Variants in MYT1L observed in about 807,000 individuals in gnomAD.
MYT1L encodes the protein myelin transcription factor 1-like protein.
A neutral mutation model predicts 126.7 loss-of-function variants in MYT1L; 12 were observed. The ratio of observed to expected loss-of-function variants is 0.09; its 90% confidence interval spans 0.06 to 0.15. The LOEUF (loss-of-function observed/expected upper bound fraction) is 0.15, where lower values mean the gene tolerates loss of function less well. Among genes scored for constraint, MYT1L ranks in the 10% least tolerant of loss-of-function variants. The pLI is 1.00. For synonymous variants in MYT1L, 541 were observed against 604.2 expected (o/e 0.90, Z 1.53); for missense variants, 979 against 1,585.2 (o/e 0.62, Z 6.49).
intron 18 of MYT1L, among the ~76,000 whole-genome samples, chr2:1,858,252 A>G (rs1002462802): frequency 1.3e-5 from 2 of 152,232 alleles, no homozygotes; most frequent in African/African-American, 2.4e-5. Context: ...AGACATTTCA[A>G]ATAGGAGAAA....
chr2:2,244,929 T>A (rs1395588061), intron 2 of MYT1L, among the ~76,000 whole-genome samples: 1 of 152,204 alleles, frequency 6.6e-6, no homozygotes, highest in Non-Finnish European at 1.5e-5. Flanking sequence ...AATAAAGATA[T>A]GGAGAAAAGC....
At chr2:1,804,983 G>T (rs1368924105) in intron 22 of MYT1L, among the ~76,000 whole-genome samples, 2 of 152,132 alleles carry the variant, frequency 1.3e-5, no homozygotes, top group Admixed American at 1.3e-4. Flanking sequence ...AGCCACTGAT[G>T]GTACAACTTC....
At chr2:2,295,687 G>GAGAGAGAGATAGAGAGACAGAC in intron 1 of MYT1L, among the ~76,000 whole-genome samples, 1 of 27,802 alleles carries the variant, frequency 3.6e-5, no homozygotes, top group Admixed American at 3.5e-4. Context: ...GAGACAGACA[G>GAGAGAGAGATAGAGAGACAGAC]AGAGAGAGAG....
chr2:1,842,787 A>G (rs939128016), intron 19 of MYT1L: 1 of 155,966 alleles, frequency 6.4e-6, no homozygotes, highest in East Asian at 1.9e-4. Flanking sequence ...CCAGTCCAGC[A>G]GACCGGGTGC....
intron 2 of MYT1L, among the ~76,000 whole-genome samples, chr2:2,229,613 T>G (rs1325599084): frequency 7.9e-6 from 1 of 126,120 alleles, no homozygotes; most frequent in Non-Finnish European, 1.5e-5. Flanking sequence ...TTCAGTTTTT[T>G]GCACAGATGG....
intron 14 of MYT1L, 42 bp from the exon 15 acceptor site, chr2:1,892,329 G>C: frequency 6.5e-7 from 1 of 1,535,516 alleles, no homozygotes; most frequent in Admixed American, 2.0e-5. Flanking sequence ...CCCGGCCGCA[G>C]GGCACACGGC....
At chr2:2,162,811 G>A (rs978082537) in intron 3 of MYT1L, among the ~76,000 whole-genome samples, 22 of 152,128 alleles carry the variant, frequency 1.4e-4, no homozygotes, top group Non-Finnish European at 5.9e-5. Flanking sequence ...CAACTCATTC[G>A]GATCCTGGCC....
In MYT1L at chr2:1,793,538, C is replaced by T. The variant is rs1478695672; in HGVS notation, c.3277-1074G>A. Among the ~76,000 whole-genome samples, 2 of 152,208 alleles carry T rather than the reference C, an allele frequency of 1.3e-5. No homozygotes were observed. The highest frequency in any genetic ancestry group is 4.8e-5 in the African/African-American group (2 of 41,448). On this transcript the variant is annotated intron_variant, in intron 23 of 24. Coordinates refer to ENST00000647738, the MANE Select transcript of MYT1L (RefSeq NM_001303052.2). This position sits in a 1 kb window ranked among gnomAD's most constrained non-coding sequence, Gnocchi z 4.6. ...CTCTCCCTGTCGGCCCTGCCTTCTCCTATGTTCTGGCCCTCCCTTGGCTGT... is the reference window on the plus strand; with the variant it reads ...CTCTCCCTGTCGGCCCTGCCTTCTCTTATGTTCTGGCCCTCCCTTGGCTGT...
chr2:2,116,225 G>A (rs980501394), intron 3 of MYT1L, among the ~76,000 whole-genome samples: 14 of 152,214 alleles, frequency 9.2e-5, no homozygotes, highest in Admixed American at 9.2e-4. Context: ...GTCCTTGTTT[G>A]CCTTCTGGAA....
chr2:2,203,349 C>T (rs1405833405), intron 2 of MYT1L, among the ~76,000 whole-genome samples: 11 of 147,820 alleles, frequency 7.4e-5, no homozygotes, highest in Non-Finnish European at 1.5e-5. Context: ...TTGCAGATGA[C>T]ATTACTGCAT....
At chr2:1,907,376 T>C (rs1026527349) in intron 13 of MYT1L, among the ~76,000 whole-genome samples, 4 of 151,810 alleles carry the variant, frequency 2.6e-5, no homozygotes, top group Admixed American at 1.3e-4. Context: ...CATCCAAAGG[T>C]GAGGAGGCAA....
intron 4 of MYT1L, among the ~76,000 whole-genome samples, chr2:2,021,541 C>A (rs897014386): frequency 6.6e-6 from 1 of 152,102 alleles, no homozygotes; most frequent in Non-Finnish European, 1.5e-5. Context: ...TTATCTGGGG[C>A]CCTTCTGATC....
intron 4 of MYT1L, among the ~76,000 whole-genome samples, chr2:2,004,766 A>AGG (rs2062987904): frequency 8.2e-5 from 9 of 109,510 alleles, no homozygotes; most frequent in African/African-American, 2.2e-4. Context: ...TTTCCTGAAT[A>AGG]CGTTCTTTCC....
chr2:2,321,971 C>T (rs1293668795), intron 1 of MYT1L, among the ~76,000 whole-genome samples: 4 of 152,090 alleles, frequency 2.6e-5, no homozygotes, highest in Non-Finnish European at 4.4e-5. Flanking sequence ...ACATACTAAC[C>T]CTATGGCTCA....
chr2:2,174,613 G>A (rs542231673), intron 2 of MYT1L, among the ~76,000 whole-genome samples: 4 of 150,682 alleles, frequency 2.7e-5, no homozygotes, highest in Admixed American at 6.6e-5. Flanking sequence ...GCGCTTAGTG[G>A]GTACTCACTG....
chr2:2,102,109 C>A (rs1000367013), intron 3 of MYT1L, among the ~76,000 whole-genome samples: 1 of 152,186 alleles, frequency 6.6e-6, no homozygotes, highest in Non-Finnish European at 1.5e-5. Flanking sequence ...CTGCAGTCCC[C>A]TACTTATACC....
At chr2:2,186,563 A>G (rs2092222566) in intron 2 of MYT1L, among the ~76,000 whole-genome samples, 1 of 152,132 alleles carries the variant, frequency 6.6e-6, no homozygotes, top group African/African-American at 2.4e-5. Flanking sequence ...TGCGAGAGGC[A>G]TTTGTAAAGT....
intron 2 of MYT1L, among the ~76,000 whole-genome samples, chr2:2,214,695 C>T (rs1315367076): frequency 1.3e-5 from 2 of 152,136 alleles, no homozygotes; most frequent in Non-Finnish European, 2.9e-5. Context: ...GTGTCACCAG[C>T]AGACTGGGCC....
chr2:2,085,642 A>G (rs1234938090), intron 3 of MYT1L, among the ~76,000 whole-genome samples: 2 of 152,142 alleles, frequency 1.3e-5, no homozygotes, highest in Non-Finnish European at 2.9e-5. Flanking sequence ...CTTATTCATA[A>G]TAGTATCCCC....
Sources: gnomAD v4.1 joint callset for allele counts (sites outside exome capture counted in the v4.1 genomes callset) on GRCh38, gnomAD v4.1.1 for gene constraint, Gnocchi (gnomAD v3.1) non-coding constraint, MANE v1.5 for transcripts, NCBI Gene and HGNC (gene_info 2026-07-23, HGNC 2026-07-21) for gene names.